Variants in MINDY3 observed in about 807,000 individuals in gnomAD.
MINDY3 encodes the protein MINDY lysine 48 deubiquitinase 3, also known as ubiquitin carboxyl-terminal hydrolase MINDY-3.
MINDY3 carries 38 observed loss-of-function variants against 69.2 expected under a neutral mutation model. The observed-to-expected ratio is 0.55, with a 90% CI of 0.42 to 0.72. The LOEUF is 0.72. Among genes scored for constraint, MINDY3 ranks in the 30% least tolerant of loss-of-function variants. The probability of loss-of-function intolerance (pLI) is 0.00; values close to 1 mark genes in which losing one functional copy is unlikely to be tolerated. For missense variants in MINDY3, 522 were observed against 519.0 expected (o/e 1.01, Z -0.06); for synonymous variants, 192 against 180.1 (o/e 1.07, Z -0.53).
chr10:15,803,136 T>C (rs1328583222), intron 10 of MINDY3, among the ~76,000 whole-genome samples: 1 of 152,184 alleles, frequency 6.6e-6, no homozygotes, highest in Non-Finnish European at 1.5e-5. Flanking sequence ...TGTTTAAATT[T>C]ATGTAATGTT....
At chr10:15,791,066 A>G (rs1031205009) in intron 11 of MINDY3, among the ~76,000 whole-genome samples, 1 of 152,192 alleles carries the variant, frequency 6.6e-6, no homozygotes, top group African/African-American at 2.4e-5. Context: ...TTTACAACTC[A>G]TAAGCACAGA....
chr10:15,837,722 C>T (rs1833185923), intron 5 of MINDY3: 2 of 1,061,022 alleles, frequency 1.9e-6, no homozygotes, highest in Admixed American at 1.1e-4. Flanking sequence ...AGATAACTTA[C>T]ACATTTGCGG....
At chr10:15,799,888 G>T (rs1277257284) in intron 10 of MINDY3, among the ~76,000 whole-genome samples, 1 of 152,122 alleles carries the variant, frequency 6.6e-6, no homozygotes, top group Admixed American at 6.6e-5. Flanking sequence ...CGAGCTTCTC[G>T]TGAGCTATTA....
chr10:15,806,338 T>C (rs957927778), intron 10 of MINDY3, among the ~76,000 whole-genome samples: 3 of 152,154 alleles, frequency 2.0e-5, no homozygotes, highest in African/African-American at 7.2e-5. Flanking sequence ...ATGTTTCCTA[T>C]GAAAATTAAT....
chr10:15,794,016 G>A (rs1237620487), intron 11 of MINDY3, among the ~76,000 whole-genome samples: 1 of 152,080 alleles, frequency 6.6e-6, no homozygotes, highest in East Asian at 1.9e-4. Flanking sequence ...ACAGCACAGT[G>A]TTAACAGCGT....
intron 10 of MINDY3, among the ~76,000 whole-genome samples, chr10:15,801,738 T>C (rs943124393): frequency 1.6e-4 from 24 of 152,074 alleles, no homozygotes; most frequent in Non-Finnish European, 1.2e-4. Flanking sequence ...AGGCCATCAC[T>C]GTTACAGAAA....
intron 1 of MINDY3, among the ~76,000 whole-genome samples, chr10:15,855,649 T>C (rs908586294): frequency 6.6e-6 from 1 of 152,128 alleles, no homozygotes; most frequent in African/African-American, 2.4e-5. Context: ...GTTTTCATAT[T>C]ACTTACTATA....
At chr10:15,837,005 T>C (rs145939188) in intron 6 of MINDY3, among the ~76,000 whole-genome samples, 199 bp downstream of exon 6, 132 of 152,030 alleles carry the variant, frequency 8.7e-4, no homozygotes, top group African/African-American at 2.9e-3. Flanking sequence ...ATAATCTCTG[T>C]AGTCCAAAAG....
At chr10:15,834,695 A>C (rs1832960715) in intron 6 of MINDY3, 79 bp from the exon 7 acceptor site, 2 of 862,956 alleles carry the variant, frequency 2.3e-6, no homozygotes, top group African/African-American at 3.4e-5. Flanking sequence ...ACTAGTTTAC[A>C]CTATAAACTA....
chr10:15,805,765 C>G (rs1025167724), intron 10 of MINDY3, among the ~76,000 whole-genome samples: 1 of 152,144 alleles, frequency 6.6e-6, no homozygotes, highest in African/African-American at 2.4e-5. Flanking sequence ...TCTTTTCCCT[C>G]TCTTATGAGA....
At position 15,789,281 on chromosome 10, in the gene MINDY3, T is replaced by C; in HGVS notation, c.994A>G (p.Met332Val). Reference protein sequence around the residue: ...FIPDSLLEDVMKALDLVSDPE... With the variant: ...FIPDSLLEDVVKALDLVSDPE... ...TCTGAAACAAGGTCCAATGCTTTCA[T>C]CACATCTTCCAGAAGTGAATCGGGT... The change falls in exon 12 of 15, where the codon ATG (methionine) becomes GTG (valine). Residue 332 changes from methionine to valine, a missense_variant. Transcript: ENST00000277632. 1 of 1,611,780 alleles carries C rather than the reference T, an allele frequency of 6.2e-7. No homozygotes were observed. The highest frequency in any genetic ancestry group is 1.3e-5 in the African/African-American group (1 of 74,898).
At chr10:15,788,581 TTAAC>T (rs1364485908) in intron 12 of MINDY3, among the ~76,000 whole-genome samples, 1 of 152,136 alleles carries the variant, frequency 6.6e-6, no homozygotes, top group Non-Finnish European at 1.5e-5. Context: ...AGGTCCTATC[TTAAC>T]TTTTATTCCC....
chr10:15,801,060 A>G (rs1399632825), intron 10 of MINDY3, among the ~76,000 whole-genome samples: 1 of 152,204 alleles, frequency 6.6e-6, no homozygotes, highest in Non-Finnish European at 1.5e-5. Flanking sequence ...CAGGAGAAGC[A>G]GCTTCTGCTA....
chr10:15,790,452 G>C (rs150249147), intron 11 of MINDY3, among the ~76,000 whole-genome samples: 1 of 152,016 alleles, frequency 6.6e-6, no homozygotes, highest in African/African-American at 2.4e-5. Flanking sequence ...GAATAAAGAC[G>C]ACCTTGGTTG....
At chr10:15,791,453 T>C (rs909620391) in intron 11 of MINDY3, among the ~76,000 whole-genome samples, 7 of 151,842 alleles carry the variant, frequency 4.6e-5, no homozygotes, top group Non-Finnish European at 8.8e-5. Context: ...AGCAGATCTA[T>C]GAAGAACTAA....
At chr10:15,782,354 A>G (rs1211720882) in intron 13 of MINDY3, 128 bp from the exon 14 acceptor site, 1 of 655,806 alleles carries the variant, frequency 1.5e-6, no homozygotes, top group Non-Finnish European at 2.5e-6. Context: ...TGACAAAAGA[A>G]GGAACTTAGG....
At chr10:15,808,838 T>G (rs938769220) in intron 10 of MINDY3, among the ~76,000 whole-genome samples, 1 of 152,130 alleles carries the variant, frequency 6.6e-6, no homozygotes, top group African/African-American at 2.4e-5. Context: ...AGAGTTTAAA[T>G]GGAGTACCAA....
At chr10:15,790,871 C>G (rs542140155) in intron 11 of MINDY3, among the ~76,000 whole-genome samples, 9 of 152,240 alleles carry the variant, frequency 5.9e-5, no homozygotes, top group African/African-American at 1.7e-4. Flanking sequence ...TTTTCAGGAG[C>G]ACTGACAGCA....
At chr10:15,838,521 T>A (rs1342315456) in intron 4 of MINDY3, among the ~76,000 whole-genome samples, 1 of 151,740 alleles carries the variant, frequency 6.6e-6, no homozygotes. Flanking sequence ...AACATTTCAG[T>A]TCAGCTATGC....
Sources: allele counts gnomAD v4.1 joint callset (sites outside exome capture counted in the v4.1 genomes callset), GRCh38; gene constraint gnomAD v4.1.1; transcripts MANE v1.5; gene names NCBI Gene and HGNC (gene_info 2026-07-23, HGNC 2026-07-21).